Variants in ASIC2 observed in about 807,000 individuals in gnomAD.
ASIC2 encodes acid sensing ion channel subunit 2.
In ASIC2, 25 loss-of-function variants were observed where a neutral mutation model predicts 57.3. The observed-to-expected ratio is 0.44, with a 90% CI of 0.32 to 0.61. The LOEUF is 0.61. ASIC2 is among the 20% of genes least tolerant of loss of function. The pLI, the probability that ASIC2 is intolerant of heterozygous loss-of-function variation, is 0.06. For missense variants in ASIC2, 641 were observed against 738.1 expected (o/e 0.87, Z 1.52); for synonymous variants, 319 against 307.5 (o/e 1.04, Z -0.39).
At chr17:33,591,221 C>A (rs1436316083) in intron 1 of ASIC2, among the ~76,000 whole-genome samples, 3 of 152,162 alleles carry the variant, frequency 2.0e-5, no homozygotes, top group Non-Finnish European at 1.5e-5. Context: ...TATAGTCAAT[C>A]AAAACACAGG....
Position 33,957,728 on chromosome 17 carries a change from T to C in ASIC2, c.555+198250A>G, listed in dbSNP as rs35478256. On this transcript the variant is annotated intron_variant, in intron 1 of 9. Coordinates refer to the ASIC2 transcript ENST00000359872. ...ATTTGGGTGGGGACACACCCAAACA[T>C]ATTATTCCACTCCTGGCCCCTCCCA... 7.4e-3 allele frequency among the ~76,000 whole-genome samples: 1,132 copies of C among 152,196 alleles called. 19 individuals are homozygous for C. The highest frequency in any genetic ancestry group is 0.026 in the African/African-American group (1,081 of 41,514).
intron 1 of ASIC2, among the ~76,000 whole-genome samples, chr17:33,589,980 G>A (rs1264945481): frequency 1.3e-5 from 2 of 152,188 alleles, no homozygotes; most frequent in African/African-American, 2.4e-5. Flanking sequence ...AATGCCAAGG[G>A]AGGATGCATT....
intron 1 of ASIC2, among the ~76,000 whole-genome samples, chr17:34,094,629 A>G (rs1384303148): frequency 6.6e-6 from 1 of 152,196 alleles, no homozygotes; most frequent in Non-Finnish European, 1.5e-5. Flanking sequence ...TCATGAAGCA[A>G]TTGCTCAAGA....
chr17:33,044,293 TCCATCCATCCAA>T (rs759109528), intron 3 of ASIC2, among the ~76,000 whole-genome samples: 10 of 150,834 alleles, frequency 6.6e-5, no homozygotes, highest in South Asian at 6.3e-4. Context: ...CATCCATCCA[TCCATCCATCCAA>T]CCATCCATCC....
At chr17:33,321,651 G>A (rs564461526) in intron 1 of ASIC2, among the ~76,000 whole-genome samples, 1 of 152,194 alleles carries the variant, frequency 6.6e-6, no homozygotes, top group South Asian at 2.1e-4. Flanking sequence ...CTTGCTGGAG[G>A]TAAGGATTAA....
intron 1 of ASIC2, among the ~76,000 whole-genome samples, chr17:33,843,112 C>A (rs317387): frequency 0.11 from 17,260 of 152,186 alleles, 1,495 homozygotes; most frequent in East Asian, 0.45. Flanking sequence ...TTATTTTCAT[C>A]ATTGCACGTG....
At chr17:33,457,829 G>A (rs1912503108) in intron 1 of ASIC2, among the ~76,000 whole-genome samples, 1 of 152,214 alleles carries the variant, frequency 6.6e-6, no homozygotes, top group East Asian at 1.9e-4. Context: ...AAGAAAAGGA[G>A]GCTCAGAGAG....
At chr17:33,583,283 A>G (rs1214192356) in intron 1 of ASIC2, among the ~76,000 whole-genome samples, 1 of 150,792 alleles carries the variant, frequency 6.6e-6, no homozygotes, top group East Asian at 1.9e-4. Flanking sequence ...CAAATTGTCC[A>G]CAGCAAACCT....
chr17:34,051,852 C>CACACACAT (rs1555587236), intron 1 of ASIC2: 1 of 120,848 alleles, frequency 8.3e-6, no homozygotes, highest in African/African-American at 4.4e-5. Flanking sequence ...CACACATACA[C>CACACACAT]ACACACAGAG....
At chr17:33,600,411 G>T (rs1225038242) in intron 1 of ASIC2, among the ~76,000 whole-genome samples, 2 of 152,154 alleles carry the variant, frequency 1.3e-5, no homozygotes, top group Non-Finnish European at 2.9e-5. Context: ...TAAATTACCT[G>T]GTCTGTGGCA....
chr17:33,576,800 C>T (rs1201236072), intron 1 of ASIC2, among the ~76,000 whole-genome samples: 1 of 152,126 alleles, frequency 6.6e-6, no homozygotes, highest in Non-Finnish European at 1.5e-5. Context: ...CTTTGAGTCT[C>T]ACAGACCTGA....
At chr17:33,342,450 A>G (rs920638967) in intron 1 of ASIC2, among the ~76,000 whole-genome samples, 3 of 152,106 alleles carry the variant, frequency 2.0e-5, no homozygotes, top group Non-Finnish European at 4.4e-5. Flanking sequence ...ATGAGTTCAC[A>G]TGTACATACA....
intron 1 of ASIC2, among the ~76,000 whole-genome samples, chr17:33,768,205 A>G (rs1910991866): frequency 6.6e-6 from 1 of 151,924 alleles, no homozygotes; most frequent in African/African-American, 2.4e-5. Flanking sequence ...TTTTTATTAG[A>G]GATGGGGTTT....
chr17:33,528,593 T>C (rs62057768), intron 1 of ASIC2, among the ~76,000 whole-genome samples: 35,888 of 151,996 alleles, frequency 0.24, 4,884 homozygotes, highest in Non-Finnish European at 0.31. Context: ...GCAGGGAGAA[T>C]AATGCTTGGG....
chr17:33,488,539 T>C (rs1913650772), intron 1 of ASIC2, among the ~76,000 whole-genome samples: 1 of 152,266 alleles, frequency 6.6e-6, no homozygotes. Flanking sequence ...ATTTTGGTAC[T>C]TGTGTTCTTT....
chr17:33,835,855 C>T (rs922607955), intron 1 of ASIC2, among the ~76,000 whole-genome samples: 2 of 151,062 alleles, frequency 1.3e-5, no homozygotes, highest in African/African-American at 2.4e-5. Context: ...ACCATGTTTC[C>T]CAGGCTGGTC....
chr17:33,025,338 T>C (rs1186376681), intron 5 of ASIC2, among the ~76,000 whole-genome samples: 1 of 152,202 alleles, frequency 6.6e-6, no homozygotes, highest in Non-Finnish European at 1.5e-5. Flanking sequence ...AGAGGTCTTC[T>C]AACTGGCAGA....
chr17:33,629,782 G>A (rs775825427), intron 1 of ASIC2, among the ~76,000 whole-genome samples: 45 of 152,338 alleles, frequency 3.0e-4, no homozygotes, highest in Non-Finnish European at 4.6e-4. Context: ...AGCAAACCCA[G>A]TTCTGCCAGA....
At chr17:33,140,308 C>G (rs553344729) in intron 1 of ASIC2, among the ~76,000 whole-genome samples, 72 of 152,318 alleles carry the variant, frequency 4.7e-4, no homozygotes, top group African/African-American at 1.6e-3. Context: ...CAGCTTCTCT[C>G]CACTCCCCAG....
Sources: allele counts gnomAD v4.1 joint callset (sites outside exome capture counted in the v4.1 genomes callset), GRCh38; gene constraint gnomAD v4.1.1; transcripts MANE v1.5; gene names NCBI Gene and HGNC (gene_info 2026-07-23, HGNC 2026-07-21).